The following EML1 variants were observed in gnomAD, a reference collection of about 807,000 sequenced individuals.
EML1 encodes EMAP like 1, also known as echinoderm microtubule-associated protein-like 1.
Under a neutral mutation model 110.4 loss-of-function variants are expected in EML1, and 27 were observed. The ratio of observed to expected loss-of-function variants is 0.24; its 90% CI spans 0.18 to 0.34. EML1 has a LOEUF of 0.34. Among genes scored for constraint, EML1 ranks in the 10% least tolerant of loss-of-function variants. The probability of loss-of-function intolerance (pLI) is 1.00; values close to 1 mark genes in which losing one functional copy is unlikely to be tolerated. For synonymous variants in EML1, 344 were observed against 385.8 expected (o/e 0.89, Z 1.27); for missense variants, 741 against 1,030.9 (o/e 0.72, Z 3.85).
At position 99,922,508 on chromosome 14, in the gene EML1, C is replaced by G. The variant is rs184916127; in HGVS notation, c.1909+1631C>G. Among the ~76,000 whole-genome samples the G allele has an allele frequency of 2.0e-3, 299 of 152,106 alleles. 1 individual carries two copies. Among genetic ancestry groups the G allele is most frequent in the African/African-American group, 6.9e-3 (288 of 41,498 alleles). On this transcript the variant is annotated intron_variant, in intron 17 of 21. Transcript: ENST00000262233. ...CCTTTTTGTGTTTGTTTTCATTTCT[C>G]GGGTAAATTCTTAGGAGTGAAATTG...
At chr14:99,770,375 C>A (rs181195378), upstream of EML1, among the ~76,000 whole-genome samples, 181 of 142,946 alleles carry the variant, frequency 1.3e-3, 3 homozygotes, top group African/African-American at 4.7e-3. Flanking sequence ...TAAAAAATTT[C>A]TTTCTATCTA....
chr14:99,796,186 CAGAGAGAGAGAGAGAGAGAGAGAG>C (rs57818494), intron 1 of EML1, among the ~76,000 whole-genome samples: 15 of 119,200 alleles, frequency 1.3e-4, no homozygotes, highest in African/African-American at 4.3e-4. Context: ...GACCCTGTCT[CAGAGAGAGAGAGAGAGAGAGAGAG>C]AGAGAGAGAG....
chr14:99,755,113 C>G (rs542781955), intron 1 of EML1, among the ~76,000 whole-genome samples: 1 of 152,276 alleles, frequency 6.6e-6, no homozygotes, highest in Non-Finnish European at 1.5e-5. Flanking sequence ...GCGTTGGTGC[C>G]TTATCTTTCC....
chr14:99,821,424 G>A (rs991255613), intron 1 of EML1, among the ~76,000 whole-genome samples: 6 of 152,294 alleles, frequency 3.9e-5, no homozygotes, highest in East Asian at 3.9e-4. Context: ...AGGCTGAGAC[G>A]GGGGAATCAC....
chr14:99,938,069 AG>A (rs933990254), intron 20 of EML1, among the ~76,000 whole-genome samples, 157 bp downstream of exon 20: 5 of 152,088 alleles, frequency 3.3e-5, no homozygotes, highest in African/African-American at 1.2e-4. Context: ...ACCCTGGGGT[AG>A]GGCCTGGGCT....
At chr14:99,889,376 C>T (rs1053320974) in intron 4 of EML1, among the ~76,000 whole-genome samples, 1 of 152,156 alleles carries the variant, frequency 6.6e-6, no homozygotes, top group African/African-American at 2.4e-5. Context: ...GAGCTCCAGG[C>T]CTCACACCAG....
intron 1 of EML1, among the ~76,000 whole-genome samples, chr14:99,748,818 C>T (rs2057142883): frequency 6.6e-6 from 1 of 152,226 alleles, no homozygotes; most frequent in Admixed American, 6.5e-5. Flanking sequence ...GCGACCCCTT[C>T]TAGCTTCCTC....
intron 1 of EML1, among the ~76,000 whole-genome samples, chr14:99,777,444 G>A (rs1044726298): frequency 1.3e-5 from 2 of 152,100 alleles, no homozygotes; most frequent in African/African-American, 4.8e-5. Context: ...TGTTTGAGAG[G>A]AGTCTTGCGC....
chr14:99,840,162 A>G (rs959738285), intron 1 of EML1, among the ~76,000 whole-genome samples: 2 of 152,242 alleles, frequency 1.3e-5, no homozygotes, highest in African/African-American at 4.8e-5. Flanking sequence ...CAAATTATTG[A>G]GCAAAGGGTT....
chr14:99,881,985 T>TGAA (rs2059393009), intron 4 of EML1, among the ~76,000 whole-genome samples: 5 of 152,250 alleles, frequency 3.3e-5, no homozygotes, highest in Non-Finnish European at 7.3e-5. Context: ...GAGTCTTTCT[T>TGAA]GTGATATGGA....
rs183020088 is a variant in EML1, at chr14:99,779,185, G to T, written c.-27+5172G>T. 3.7e-3 allele frequency among the ~76,000 whole-genome samples: 567 copies of T among 152,046 alleles called. 2 individuals are homozygous for T. Among genetic ancestry groups the T allele is most frequent in the Non-Finnish European group, 6.6e-3 (448 of 67,992 alleles). ...ATTCAGATGCTGAACTTCCCAATATGATATCCCATTTTTTTCCTCCTATAT... is the reference window on the plus strand; with the variant it reads ...ATTCAGATGCTGAACTTCCCAATATTATATCCCATTTTTTTCCTCCTATAT... On this transcript the variant is annotated intron_variant, in intron 1 of 22. Coordinates refer to the EML1 transcript ENST00000327921.
chr14:99,894,566 G>T, intron 5 of EML1, 63 bp from the exon 6 acceptor site: 1 of 1,551,050 alleles, frequency 6.4e-7, no homozygotes, highest in Non-Finnish European at 8.7e-7. Flanking sequence ...AGAGGATAAA[G>T]CATTTGTTTT....
chr14:99,923,639 C>CGTTGAATTAT, intron 17 of EML1, among the ~76,000 whole-genome samples: 256 of 65,192 alleles, frequency 3.9e-3, no homozygotes, highest in African/African-American at 0.016. Flanking sequence ...CTCAGTTCTG[C>CGTTGAATTAT]CCCCTTCACC....
intron 9 of EML1, among the ~76,000 whole-genome samples, chr14:99,906,470 G>A (rs1177864986): frequency 1.3e-5 from 2 of 152,158 alleles, no homozygotes; most frequent in Non-Finnish European, 2.9e-5. Context: ...GCCATGACAT[G>A]TATAAACTGT....
chr14:99,871,713 A>T (rs1480527561), intron 3 of EML1, among the ~76,000 whole-genome samples: 1 of 152,208 alleles, frequency 6.6e-6, no homozygotes, highest in Non-Finnish European at 1.5e-5. Flanking sequence ...TGAGGATAGG[A>T]CTGAGTTGCT....
chr14:99,754,798 G>A (rs1053692606), intron 1 of EML1, among the ~76,000 whole-genome samples: 1 of 152,152 alleles, frequency 6.6e-6, no homozygotes, highest in Admixed American at 6.5e-5. Context: ...TGGAGCCCAC[G>A]CAGTGCTGGA....
intron 5 of EML1, among the ~76,000 whole-genome samples, chr14:99,891,825 A>G (rs552899875): frequency 6.6e-6 from 1 of 152,366 alleles, no homozygotes; most frequent in African/African-American, 2.4e-5. Flanking sequence ...GATGAAATAC[A>G]TTCATTTAAT....
Position 99,937,731 on chromosome 14 carries a change from C to CG in EML1, c.2096-82dup, listed in dbSNP as rs1388869896. ...TCTCCAGGAAGGGCTCTGTACCCAA[C>CG]GGGGCACAGCTCTGGGGGCTCAGCC... On this transcript the variant is annotated intron_variant, in intron 19 of 21. Transcript: ENST00000262233. The CG allele has an allele frequency of 8.0e-6, 10 of 1,244,272 alleles. No individual in the cohort carries two copies. In the African/African-American group the frequency reaches 1.2e-4, roughly 15 times the overall value. 77.1% of individuals were successfully genotyped at this position (1,244,272 alleles called of 1,614,324 possible).
At chr14:99,739,408 ACAATATTTAGCCCGTCGGAG>A (rs1424915579) in intron 1 of EML1, among the ~76,000 whole-genome samples, 1 of 152,166 alleles carries the variant, frequency 6.6e-6, no homozygotes, top group African/African-American at 2.4e-5. Flanking sequence ...GAAGGCCAGG[ACAATATTTAGCCCGTCGGAG>A]CAAAGGAATG....
Sources: gnomAD v4.1 joint callset for allele counts (sites outside exome capture counted in the v4.1 genomes callset) on GRCh38, gnomAD v4.1.1 for gene constraint, MANE v1.5 for transcripts, NCBI Gene and HGNC (gene_info 2026-07-23, HGNC 2026-07-21) for gene names.